Variants in CORIN observed in about 807,000 individuals in gnomAD.
CORIN encodes the protein corin, serine peptidase.
Under a neutral mutation model 125.3 loss-of-function variants are expected in CORIN, and 117 were observed. That is an observed-to-expected ratio of 0.93 (90% CI 0.80 to 1.09). CORIN has a LOEUF of 1.09. Ranked by LOEUF, CORIN falls within the 50% of genes least tolerant of loss-of-function variation. CORIN has a pLI of 0.00. For synonymous variants in CORIN, 450 were observed against 466.4 expected (o/e 0.96, Z 0.45); for missense variants, 1,253 against 1,306.7 (o/e 0.96, Z 0.63).
chr4:47,595,653 G>C lies in CORIN; in HGVS notation c.*68C>G, dbSNP rs1239123645. On this transcript the variant is annotated 3_prime_UTR_variant, in exon 22 of 22. Coordinates refer to ENST00000273857, the MANE Select transcript of CORIN (RefSeq NM_006587.4). ...GCTTCTGTACAGCTCTCTGCAGGCA[G>C]CTCTTCACAGTCAAGAAGGCCATTT... The C allele has an allele frequency of 7.8e-6, 10 of 1,276,590 alleles. No individual in the cohort carries two copies. The highest frequency in any genetic ancestry group is 1.1e-5 in the Non-Finnish European group (10 of 918,558). The allele number at this position is 1,276,590 out of a possible 1,614,324, so 79.1% of individuals were successfully genotyped here. A position where few individuals can be genotyped will look rare whatever the true frequency, so the allele number is the denominator to read the frequency against.
chr4:47,642,850 T>C, intron 15 of CORIN: 2 of 1,452,146 alleles, frequency 1.4e-6, no homozygotes, highest in African/African-American at 2.9e-5. Context: ...TTTATTGAAG[T>C]TGGGTTTTAA....
chr4:47,785,739 CTG>C (rs1203251064), intron 3 of CORIN, among the ~76,000 whole-genome samples: 1 of 151,896 alleles, frequency 6.6e-6, no homozygotes, highest in Non-Finnish European at 1.5e-5. Context: ...TGGTGAAACC[CTG>C]TCTCTACTAA....
At chr4:47,683,919 C>T in intron 6 of CORIN, 81 bp from the exon 7 acceptor site, 1 of 1,003,996 alleles carries the variant, frequency 1.0e-6, no homozygotes, top group Non-Finnish European at 1.5e-6. Flanking sequence ...AAAAGCCAAT[C>T]ATGGAAGGGA....
chr4:47,757,804 C>T (rs1184993224), intron 4 of CORIN, among the ~76,000 whole-genome samples: 1 of 147,448 alleles, frequency 6.8e-6, no homozygotes, highest in African/African-American at 2.5e-5. Flanking sequence ...TTACAGCTAA[C>T]ATTCAAGTAG....
At chr4:47,741,517 T>C (rs756486506) in intron 5 of CORIN, among the ~76,000 whole-genome samples, 11 of 152,064 alleles carry the variant, frequency 7.2e-5, no homozygotes, top group Non-Finnish European at 1.2e-4. Context: ...ATAGAGTTAA[T>C]ACTAGTCACA....
chr4:47,634,402 A>G (rs1283224385), intron 16 of CORIN, among the ~76,000 whole-genome samples: 3 of 152,140 alleles, frequency 2.0e-5, no homozygotes. Flanking sequence ...GGGAGGCCAA[A>G]GCAGGTGGAT....
chr4:47,698,586 G>C (rs762442976), intron 5 of CORIN, among the ~76,000 whole-genome samples: 2 of 151,950 alleles, frequency 1.3e-5, no homozygotes, highest in Admixed American at 1.3e-4. Flanking sequence ...CATGGTTTTC[G>C]GTAAAGAGTG....
chr4:47,675,098 G>A (rs1724954899), intron 9 of CORIN, among the ~76,000 whole-genome samples: 1 of 152,196 alleles, frequency 6.6e-6, no homozygotes, highest in Non-Finnish European at 1.5e-5. Context: ...GTTTCTAAGT[G>A]AATGACAGCA....
At chr4:47,789,901 A>G (rs1391698164) in intron 2 of CORIN, among the ~76,000 whole-genome samples, 2 of 152,148 alleles carry the variant, frequency 1.3e-5, no homozygotes, top group Non-Finnish European at 2.9e-5. Flanking sequence ...GGGCGCCTGT[A>G]GTCCCAGCTA....
chr4:47,683,642 A>C, intron 7 of CORIN, 89 bp downstream of exon 7: 1 of 895,148 alleles, frequency 1.1e-6, no homozygotes, highest in Non-Finnish European at 1.7e-6. Context: ...TAAACTGCTA[A>C]TCATATTAAC....
At chr4:47,821,474 G>T (rs10938498) in intron 1 of CORIN, among the ~76,000 whole-genome samples, 113,815 of 151,268 alleles carry the variant, frequency 0.75, 43,535 homozygotes, top group East Asian at 0.98. Flanking sequence ...TAAATAATAT[G>T]TTAATACATA....
At chr4:47,837,645 C>A (rs937467659) in intron 1 of CORIN, 1 of 622,144 alleles carries the variant, frequency 1.6e-6, no homozygotes, top group Non-Finnish European at 2.8e-6. Flanking sequence ...CTGCCCATGA[C>A]CCTGGGAGGG....
At chr4:47,753,446 C>A (rs1038577184) in intron 4 of CORIN, among the ~76,000 whole-genome samples, 2 of 152,104 alleles carry the variant, frequency 1.3e-5, no homozygotes, top group African/African-American at 4.8e-5. Context: ...TTTTCCAGAC[C>A]TTAATAAGCC....
At chr4:47,605,386 T>C (rs1279175250) in intron 19 of CORIN, among the ~76,000 whole-genome samples, 1 of 152,188 alleles carries the variant, frequency 6.6e-6, no homozygotes, top group African/African-American at 2.4e-5. Context: ...GATGGCTCAA[T>C]GAATGTTTTT....
At chr4:47,730,067 C>T (rs1257728491) in intron 5 of CORIN, among the ~76,000 whole-genome samples, 1 of 152,218 alleles carries the variant, frequency 6.6e-6, no homozygotes, top group Non-Finnish European at 1.5e-5. Flanking sequence ...CCAGTACACA[C>T]TGGGCAAGAA....
chr4:47,757,276 G>A (rs1377377037), intron 4 of CORIN, among the ~76,000 whole-genome samples: 1 of 152,028 alleles, frequency 6.6e-6, no homozygotes, highest in African/African-American at 2.4e-5. Flanking sequence ...TGGTCTGAAA[G>A]TGCAATTATA....
rs759496197 is a variant in CORIN at position 47,693,085 on chromosome 4, TA to T, written c.800-3del. The T allele has an allele frequency of 6.9e-4, 1,062 of 1,529,000 alleles. No homozygotes were observed. Among genetic ancestry groups the T allele is most frequent in the Middle Eastern group, 2.8e-3 (16 of 5,798 alleles). 94.7% of individuals were successfully genotyped at this position (1,529,000 alleles called of 1,614,324 possible). A position where few individuals can be genotyped will look rare whatever the true frequency, so the allele number is the denominator to read the frequency against. On this transcript the variant is annotated splice_polypyrimidine_tract_variant and splice_region_variant and intron_variant, in intron 5 of 21. Coordinates refer to ENST00000273857, the MANE Select transcript of CORIN (RefSeq NM_006587.4). ...AGTTCTCACCCCTTCCACAGAGCAC[TA>T]AAAAAAAAGGGCAGGAAATAATGTC...
At chr4:47,820,057 C>T (rs977469449) in intron 1 of CORIN, among the ~76,000 whole-genome samples, 2 of 152,164 alleles carry the variant, frequency 1.3e-5, no homozygotes, top group Non-Finnish European at 2.9e-5. Flanking sequence ...GTGCCTGACT[C>T]CGGAAAGTGT....
At chr4:47,772,029 C>T (rs973583400) in intron 3 of CORIN, among the ~76,000 whole-genome samples, 24 of 151,738 alleles carry the variant, frequency 1.6e-4, no homozygotes, top group African/African-American at 5.6e-4. Flanking sequence ...TAATGCACCC[C>T]GATTCTCTTG....
Sources: gnomAD v4.1 joint callset for allele counts (sites outside exome capture counted in the v4.1 genomes callset) on GRCh38, gnomAD v4.1.1 for gene constraint, MANE v1.5 for transcripts, NCBI Gene and HGNC (gene_info 2026-07-23, HGNC 2026-07-21) for gene names.